Variants in INSL6 observed in about 807,000 individuals in gnomAD.
INSL6 encodes insulin-like peptide INSL6.
INSL6 carries 16 observed loss-of-function variants against 9.4 expected under a neutral mutation model. The ratio of observed to expected loss-of-function variants is 1.70; its 90% CI spans 1.15 to 2.59. The LOEUF (loss-of-function observed/expected upper bound fraction) is 2.59. INSL6 is among the 30% of genes most tolerant of loss of function. The pLI, the probability that INSL6 is intolerant of heterozygous loss-of-function variation, is 0.00. For synonymous variants in INSL6, 154 were observed against 96.9 expected, an observed-to-expected ratio of 1.59 and a Z score of -3.46; for missense variants, 391 against 257.3, an observed-to-expected ratio of 1.52 and a Z score of -3.56.
intron 1 of INSL6, among the ~76,000 whole-genome samples, chr9:5,166,741 A>G (rs1825061447): frequency 6.6e-6 from 1 of 152,186 alleles, no homozygotes; most frequent in Non-Finnish European, 1.5e-5. Flanking sequence ...GTAAATTCTA[A>G]TAATATACAA....
At chr9:5,078,752 A>G in the INSL6 span, among the ~76,000 whole-genome samples, 1 of 152,074 alleles carries the variant, frequency 6.6e-6, no homozygotes, top group Non-Finnish European at 1.5e-5. Context: ...CCACAAGTAA[A>G]TTTTCTAAAT....
the INSL6 span, among the ~76,000 whole-genome samples, chr9:5,092,779 G>A: frequency 6.6e-6 from 1 of 152,192 alleles, no homozygotes; most frequent in African/African-American, 2.4e-5. Flanking sequence ...GAGTAGTGGT[G>A]ATAAGCCTAT....
downstream of INSL6, among the ~76,000 whole-genome samples, chr9:5,120,670 TGAA>T: frequency 6.6e-6 from 1 of 152,150 alleles, no homozygotes; most frequent in African/African-American, 2.4e-5. Flanking sequence ...TCACCTTGTG[TGAA>T]GACCTCTGTG....
At chr9:5,022,089 A>G in the INSL6 span, 6 of 1,613,630 alleles carry the variant, frequency 3.7e-6, no homozygotes, top group Admixed American at 1.7e-5. Flanking sequence ...CTATGAAGCA[A>G]ATAGATCCAG....
At chr9:5,041,821 C>A in the INSL6 span, 1 of 482,530 alleles carries the variant, frequency 2.1e-6, no homozygotes. Flanking sequence ...AAAAACCAGG[C>A]GCTGAACTCC....
chr9:5,136,666 A>G lies in INSL6; in HGVS notation c.377-3074T>C, dbSNP rs546220679. 8.5e-5 allele frequency among the ~76,000 whole-genome samples: 13 copies of G among 152,308 alleles called. No homozygotes were observed. In the East Asian group the frequency reaches 1.9e-3, roughly 23 times the overall value. ...ATGACAAACTCACAGCAAATATAAT[A>G]CTGAACGGGCAAAAACTGGAAGCAT... On this transcript the variant is annotated intron_variant, in intron 2 of 3. Coordinates refer to the INSL6 transcript ENST00000649639.
At chr9:5,057,489 C>A in the INSL6 span, among the ~76,000 whole-genome samples, 38 of 151,564 alleles carry the variant, frequency 2.5e-4, no homozygotes, top group Non-Finnish European at 3.2e-4. Flanking sequence ...TTCCAGAACT[C>A]TTTTATCTTG....
chr9:5,098,710 T>C, the INSL6 span: 5 of 152,156 alleles, frequency 3.3e-5, no homozygotes, highest in Middle Eastern at 3.4e-3. Flanking sequence ...TTTTTTTTTT[T>C]TGAGACAGAG....
the INSL6 span, among the ~76,000 whole-genome samples, chr9:5,039,764 TAAA>T: frequency 8.5e-4 from 130 of 152,152 alleles, no homozygotes; most frequent in African/African-American, 2.6e-3. Context: ...GGAATAAACT[TAAA>T]GAAGTGTAAA....
chr9:5,028,004 C>T, the INSL6 span, among the ~76,000 whole-genome samples: 4 of 152,192 alleles, frequency 2.6e-5, no homozygotes, highest in Admixed American at 6.5e-5. Flanking sequence ...GACATTTTGA[C>T]CTCCTCTCAT....
At chr9:5,084,624 CTA>C in the INSL6 span, among the ~76,000 whole-genome samples, 4 of 152,060 alleles carry the variant, frequency 2.6e-5, no homozygotes, top group Non-Finnish European at 2.9e-5. Flanking sequence ...TATTTGAAAT[CTA>C]GAGTGTTTTT....
At chr9:5,179,672 G>A (rs756856218) in intron 1 of INSL6, among the ~76,000 whole-genome samples, 26 of 152,164 alleles carry the variant, frequency 1.7e-4, no homozygotes, top group Non-Finnish European at 3.4e-4. Flanking sequence ...CTATAAAAAA[G>A]AATGAGATCA....
intron 1 of INSL6, among the ~76,000 whole-genome samples, chr9:5,179,758 C>T (rs890660816): frequency 1.2e-4 from 19 of 152,306 alleles, no homozygotes; most frequent in African/African-American, 4.1e-4. Context: ...AAACCAAACA[C>T]CACATGTTCT....
the INSL6 span, among the ~76,000 whole-genome samples, chr9:5,064,215 A>G: frequency 6.6e-6 from 1 of 152,090 alleles, no homozygotes; most frequent in Non-Finnish European, 1.5e-5. Flanking sequence ...AGTTTGTAGC[A>G]TGAATACTTT....
the INSL6 span, among the ~76,000 whole-genome samples, chr9:5,067,126 G>A: frequency 2.0e-5 from 3 of 152,108 alleles, no homozygotes; most frequent in Admixed American, 2.0e-4. Flanking sequence ...GCCACATCAT[G>A]TAGAACAAAA....
chr9:5,131,970 G>A (rs955493792), intron 3 of INSL6: 4 of 152,144 alleles, frequency 2.6e-5, no homozygotes, highest in African/African-American at 9.7e-5. Flanking sequence ...TTTGAAGACA[G>A]TGTGAATCTC....
the INSL6 span, chr9:5,085,707 G>A: frequency 6.7e-6 from 5 of 749,072 alleles, no homozygotes; most frequent in African/African-American, 8.6e-5. Flanking sequence ...AACAAGACTA[G>A]CAGTGTGGAT....
At chr9:5,099,780 A>G in the INSL6 span, 3 of 152,168 alleles carry the variant, frequency 2.0e-5, no homozygotes, top group East Asian at 5.8e-4. Flanking sequence ...TAATATCCCT[A>G]ATTATCTTCA....
At chr9:5,123,222 T>A, downstream of INSL6, 1 of 699,110 alleles carries the variant, frequency 1.4e-6, no homozygotes, top group Non-Finnish European at 2.5e-6. Flanking sequence ...ATACATTGCA[T>A]AGTGGTGAAG....
Sources: gnomAD v4.1 joint callset for allele counts (sites outside exome capture counted in the v4.1 genomes callset) on GRCh38, gnomAD v4.1.1 for gene constraint, MANE v1.5 for transcripts, NCBI Gene and HGNC (gene_info 2026-07-23, HGNC 2026-07-21) for gene names.